The following DGKQ variants were observed in gnomAD, a reference collection of about 807,000 sequenced individuals.
DGKQ encodes the protein DAG kinase theta.
Under a neutral mutation model 104.2 loss-of-function variants are expected in DGKQ, and 97 were observed. The ratio of observed to expected loss-of-function variants is 0.93; its 90% CI spans 0.79 to 1.10. The LOEUF (loss-of-function observed/expected upper bound fraction) is 1.10. DGKQ is among the 50% of genes least tolerant of loss of function. The pLI, the probability that DGKQ is intolerant of heterozygous loss-of-function variation, is 0.00. For missense variants in DGKQ, 1,465 were observed against 1,352.1 expected (o/e 1.08, Z -1.31); for synonymous variants, 736 against 595.2 (o/e 1.24, Z -3.44).
Position 965,980 on chromosome 4 carries a change from G to C in DGKQ, c.1527C>G (p.Gly509=), listed in dbSNP as rs143904192. The change falls in exon 13 of 23, where the codon GGC becomes GGG. Residue 509 remains glycine (G), a synonymous_variant. Transcript: ENST00000273814. ...VSLFVGGLPP[G]LSPEEYSSLL... is the part of the protein sequence containing the mutation. ...GGCTGCTGTACTCCTCGGGAGACAG[G>C]CCGGGAGGCAGGCCGCCAACAAACA... 6.2e-7 allele frequency: 1 copy of C among 1,605,672 alleles called. No individual in the cohort carries two copies. The highest frequency in any genetic ancestry group is 1.7e-5 in the Admixed American group (1 of 59,022).
In DGKQ at chr4:971,082, T is replaced by C. The variant is rs981000335; in HGVS notation, c.272-10A>G. On this transcript the variant is annotated splice_polypyrimidine_tract_variant and intron_variant, in intron 1 of 22. Coordinates refer to ENST00000273814, the MANE Select transcript of DGKQ (RefSeq NM_001347.4). The surrounding 1 kb of genome is among the most constrained non-coding windows in gnomAD (Gnocchi z 4.0). ...GACATGAAATTGCAGACTGTGGGAATGAGCACTGTGTGAGTTGGCCCCTGT... is the reference window on the plus strand; with the variant it reads ...GACATGAAATTGCAGACTGTGGGAACGAGCACTGTGTGAGTTGGCCCCTGT... The C allele has an allele frequency of 3.2e-6, 5 of 1,553,798 alleles. No homozygotes were observed. In the African/African-American group the frequency reaches 4.1e-5, roughly 13 times the overall value.
intron 15 of DGKQ, 102 bp from the exon 16 acceptor site, chr4:963,392 G>A: frequency 9.1e-7 from 1 of 1,102,608 alleles, no homozygotes; most frequent in Non-Finnish European, 1.3e-6. Flanking sequence ...AGCCCACCTG[G>A]CTTGGACCAG....
rs1553912423 is a variant in DGKQ at position 967,857 on chromosome 4, G to A, written c.811+23C>T. ...CAGTGCGCAGCCCCCAGCCCAGGGCGCCCCGGCCGGCCCGCACCTCACCCG... is the reference window on the plus strand; with the variant it reads ...CAGTGCGCAGCCCCCAGCCCAGGGCACCCCGGCCGGCCCGCACCTCACCCG... On this transcript the variant is annotated intron_variant, in intron 6 of 22. Transcript: ENST00000273814. The A allele has an allele frequency of 4.1e-6, 6 of 1,476,614 alleles. No individual in the cohort carries two copies. The East Asian group carries it at 7.6e-5, about 19-fold the overall frequency. The allele number at this position is 1,476,614 out of a possible 1,614,324, so 91.5% of individuals were successfully genotyped here.
rs199695928 is a variant in DGKQ, at chr4:963,168, G to A, written c.1857C>T (p.Phe619=). The change falls in exon 16 of 23, where the codon TTC becomes TTT. Residue 619 remains phenylalanine (F), a synonymous_variant. Coordinates refer to ENST00000273814, the MANE Select transcript of DGKQ (RefSeq NM_001347.4). ...FRKLLNPHQV[F]DLTNGGPLPG... ...GAAGAGGACCTCCGTTGGTCAGGTC[G>A]AAGACCTGATGAGGGTTCAGTAGCT... 32 of 1,608,040 alleles carry A rather than the reference G, an allele frequency of 2.0e-5. No homozygotes were observed. In the Admixed American group the frequency reaches 3.3e-4, roughly 17 times the overall value.
rs534840904 is a variant in DGKQ, at chr4:960,527, C to T, written c.*93G>A. The T allele has an allele frequency of 1.7e-6, 2 of 1,199,118 alleles. No homozygotes were observed. The highest frequency in any genetic ancestry group is 3.5e-5 in the Admixed American group (2 of 56,674). The allele number at this position is 1,199,118 out of a possible 1,614,324, so 74.3% of individuals were successfully genotyped here. A position where few individuals can be genotyped will look rare whatever the true frequency, so the allele number is the denominator to read the frequency against. On this transcript the variant is annotated 3_prime_UTR_variant, in exon 23 of 23. Coordinates refer to ENST00000273814, the MANE Select transcript of DGKQ (RefSeq NM_001347.4). ...AGCCAGGTCCGACCACAGGGCCGGC[C>T]ACTGTGTGGACGTGGAGCTGCCTCC...
rs1382815359 is a variant in DGKQ at position 971,002 on chromosome 4, G to A, written c.342C>T (p.Ser114=). ...VRIPCTSVAP[S]LVRVPVAHCF... ...CCAGCCCCACACTCACCCGGACCAG[G>A]CTGGGTGCCACACTCGTGCACGGGA... The change falls in exon 2 of 23, where the codon AGC becomes AGT. Residue 114 remains serine (S), a synonymous_variant. Transcript: ENST00000273814. The surrounding 1 kb of genome is among the most constrained non-coding windows in gnomAD (Gnocchi z 4.0). 4 of 1,551,578 alleles carry A rather than the reference G, an allele frequency of 2.6e-6. No homozygotes were observed. Among genetic ancestry groups the A allele is most frequent in the Non-Finnish European group, 2.6e-6 (3 of 1,147,688 alleles).
Position 973,293 on chromosome 4 carries a change from G to C in DGKQ, c.190C>G (p.Arg64Gly). The C allele has an allele frequency of 5.3e-6, 8 of 1,523,202 alleles. No homozygotes were observed. Among genetic ancestry groups the C allele is most frequent in the Non-Finnish European group, 7.0e-6 (8 of 1,137,488 alleles). The allele number at this position is 1,523,202 out of a possible 1,614,324, so 94.4% of individuals were successfully genotyped here. ...GPAAAPGHSF[R>G]KVTLTKPTFC... is the part of the protein sequence containing the mutation. Reference sequence around the variant, plus strand: ...GTGGGCTTGGTGAGCGTCACCTTCCGGAAGCTGTGTCCCGGCGCGGCAGCG... The same window carrying C: ...GTGGGCTTGGTGAGCGTCACCTTCCCGAAGCTGTGTCCCGGCGCGGCAGCG... Residue 64 changes from arginine to glycine, a missense_variant, in exon 1 of 23, where the codon CGG (arginine) becomes GGG (glycine). Arg to Gly is a moderately radical substitution (Grantham distance 125). Transcript: ENST00000273814.
chr4:963,437 C>T, intron 15 of DGKQ, 147 bp from the exon 16 acceptor site: 1 of 680,654 alleles, frequency 1.5e-6, no homozygotes, highest in Non-Finnish European at 2.5e-6. Flanking sequence ...AGCACCCTCA[C>T]ATCTGAGGCC....
chr4:960,559 C>T lies in DGKQ; in HGVS notation c.*61G>A, dbSNP rs1711799900. ...TGGACGTGGAGCTGCCTCCAGACCA[C>T]CTGAAAACAAGGCTGGCGGGAGCAG... On this transcript the variant is annotated 3_prime_UTR_variant, in exon 23 of 23. Transcript: ENST00000273814. 6 of 1,510,426 alleles carry T rather than the reference C, an allele frequency of 4.0e-6. No individual in the cohort carries two copies. Among genetic ancestry groups the T allele is most frequent in the Admixed American group, 1.7e-5 (1 of 59,250 alleles). The allele number at this position is 1,510,426 out of a possible 1,614,324, so 93.6% of individuals were successfully genotyped here.
intron 2 of DGKQ, 114 bp from the exon 3 acceptor site, chr4:969,024 C>A (rs1712711908): frequency 1.6e-5 from 11 of 668,682 alleles, no homozygotes; most frequent in Non-Finnish European, 2.5e-6. Flanking sequence ...GAGAACTGCC[C>A]AGGCTGAGCC....
rs17855220 is a variant in DGKQ at position 968,004 on chromosome 4, C to T, written c.687G>A (p.Ala229=). ...GVQAHSLCSA[A]LAPECGFGRL... ...GCCCGAAGCCACACTCGGGAGCCAG[C>T]GCCGCGGAGCAGAGGGAGTGCGCCT... The change falls in exon 6 of 23, where the codon GCG becomes GCA. Residue 229 remains alanine, a synonymous_variant. Coordinates refer to ENST00000273814, the MANE Select transcript of DGKQ (RefSeq NM_001347.4). The T allele has an allele frequency of 1.6e-3, 2,263 of 1,452,206 alleles. 29 individuals carry two copies. In the African/African-American group the frequency reaches 0.03, roughly 19 times the overall value. The allele number at this position is 1,452,206 out of a possible 1,614,324, so 90.0% of individuals were successfully genotyped here.
intron 13 of DGKQ, 129 bp from the exon 14 acceptor site, chr4:965,658 T>TAG: frequency 9.4e-7 from 1 of 1,067,770 alleles, no homozygotes; most frequent in Non-Finnish European, 1.4e-6. Context: ...GAAGTACCCC[T>TAG]GCCCCACTCC....
At chr4:969,673 G>A (rs1257924079) in intron 2 of DGKQ, among the ~76,000 whole-genome samples, 2 of 149,546 alleles carry the variant, frequency 1.3e-5, no homozygotes, top group Admixed American at 6.7e-5. Context: ...GCAGTGGCGT[G>A]ATCTCGGCTC....
At chr4:972,908 G>T (rs1387351991) in intron 1 of DGKQ, among the ~76,000 whole-genome samples, 2 of 152,372 alleles carry the variant, frequency 1.3e-5, no homozygotes, top group East Asian at 3.9e-4. Flanking sequence ...CAGCCACTGG[G>T]AGAGGAAGCC....
At position 972,145 on chromosome 4, in the gene DGKQ, G is replaced by T. The variant is rs180968641; in HGVS notation, c.271+1067C>A. On this transcript the variant is annotated intron_variant, in intron 1 of 22. Transcript: ENST00000273814. ...ATACCGCTGCTGGCCCCTCTTCCAC[G>T]GGTGCTGCCCAGGAGGGCCCTTTTG... 2.4e-3 allele frequency among the ~76,000 whole-genome samples: 358 copies of T among 152,240 alleles called. 1 individual carries two copies. The highest frequency in any genetic ancestry group is 7.9e-3 in the African/African-American group (328 of 41,546).
At position 968,889 on chromosome 4, in the gene DGKQ, C is replaced by A. The variant is rs1223388473; in HGVS notation, c.373G>T (p.Gly125Cys). The change falls in exon 3 of 23, where the codon GGC becomes TGC. Residue 125 changes from glycine to cysteine, a missense_variant. Coordinates refer to ENST00000273814, the MANE Select transcript of DGKQ (RefSeq NM_001347.4). ...TTGCGCTTGTGGAGCCCCCGGGGGC[C>A]GAAGCAGTGGGCTACAGGAACCTGG... The part of the protein sequence containing the change: ...LVRVPVAHCF[G>C]PRGLHKRKFC... 6.3e-7 allele frequency: 1 copy of A among 1,599,552 alleles called. No individual in the cohort carries two copies. Among genetic ancestry groups the A allele is most frequent in the Non-Finnish European group, 8.5e-7 (1 of 1,171,288 alleles).
Position 973,305 on chromosome 4 carries a change from C to A in DGKQ, c.178G>T (p.Gly60Ter). 2 of 1,497,890 alleles carry A rather than the reference C, an allele frequency of 1.3e-6. No individual in the cohort carries two copies. Among genetic ancestry groups the A allele is most frequent in the Admixed American group, 2.2e-5 (1 of 45,084 alleles). The allele number at this position is 1,497,890 out of a possible 1,614,324, so 92.8% of individuals were successfully genotyped here. A position where few individuals can be genotyped will look rare whatever the true frequency, so the allele number is the denominator to read the frequency against. ...VRAPGPAAAP[G>*]HSFRKVTLTK... Reference sequence around the variant, plus strand: ...AGCGTCACCTTCCGGAAGCTGTGTCCCGGCGCGGCAGCGGGGCCCGGGGCT... The same window carrying A: ...AGCGTCACCTTCCGGAAGCTGTGTCACGGCGCGGCAGCGGGGCCCGGGGCT... The change falls in exon 1 of 23, where the codon GGA (glycine) becomes TGA (stop). Residue 60 changes from glycine to a stop codon, truncating the protein, a stop_gained. Coordinates refer to ENST00000273814, the MANE Select transcript of DGKQ (RefSeq NM_001347.4). LOFTEE classifies it high-confidence loss of function.
In DGKQ at chr4:961,721, C is replaced by T. The variant is rs766480545; in HGVS notation, c.2429G>A (p.Ser810Asn). 1 of 1,612,720 alleles carries T rather than the reference C, an allele frequency of 6.2e-7. No homozygotes were observed. Among genetic ancestry groups the T allele is most frequent in the Non-Finnish European group, 8.5e-7 (1 of 1,179,924 alleles). The stretch of plus-strand genomic sequence containing the variant: ...GTTGATGAAGATGAGGCCTTCAATA[C>T]TGGGCAGCTCCACCTCCTGCCGCTC... ...QVERQEVELP[S>N]IEGLIFINIP... Residue 810 changes from serine (S) to asparagine (N), a missense_variant, in exon 20 of 23, where the codon AGT becomes AAT. By Grantham distance (46) the Ser-to-Asn change is conservative. Coordinates refer to ENST00000273814, the MANE Select transcript of DGKQ (RefSeq NM_001347.4).
In DGKQ at chr4:967,344, G is replaced by A. The variant is rs1433237445; in HGVS notation, c.1005C>T (p.Ala335=). The A allele has an allele frequency of 4.6e-6, 7 of 1,535,982 alleles. No individual in the cohort carries two copies. In the South Asian group the frequency reaches 5.9e-5, roughly 13 times the overall value. Residue 335 remains alanine (A), a synonymous_variant, in exon 9 of 23, where the codon GCC becomes GCT. Coordinates refer to ENST00000273814, the MANE Select transcript of DGKQ (RefSeq NM_001347.4). ...GGCCAGGGTCCTCGGGGATGTGGTG[G>A]GCCCGCAGTGCGGCCTCCTGCAGGG... is the stretch of plus-strand genomic sequence containing the variant. ...AEEVLEAALR[A]HHIPEDPGHL...
Sources: allele counts gnomAD v4.1 joint callset (sites outside exome capture counted in the v4.1 genomes callset), GRCh38; gene constraint gnomAD v4.1.1; non-coding constraint Gnocchi (gnomAD v3.1); transcripts MANE v1.5; gene names NCBI Gene and HGNC (gene_info 2026-07-23, HGNC 2026-07-21).